The following NTN1 variants were observed in gnomAD, a reference collection of about 807,000 sequenced individuals.
The protein encoded by NTN1 is netrin 1.
A neutral mutation model predicts 54.2 loss-of-function variants in NTN1; 11 were observed. The observed-to-expected ratio is 0.20, with a 90% confidence interval of 0.13 to 0.34. NTN1 has a LOEUF of 0.34. Among genes scored for constraint, NTN1 ranks in the 10% least tolerant of loss-of-function variants. NTN1 has a pLI of 1.00. For synonymous variants in NTN1, 371 were observed against 382.0 expected, an observed-to-expected ratio of 0.97 and a Z score of 0.33; for missense variants, 740 against 893.1, an observed-to-expected ratio of 0.83 and a Z score of 2.18.
At chr17:9,236,124 TGG>T (rs61364982) in intron 6 of NTN1, among the ~76,000 whole-genome samples, 3 of 90,844 alleles carry the variant, frequency 3.3e-5, no homozygotes, top group African/African-American at 6.8e-5. Flanking sequence ...CATAAGAATT[TGG>T]GGGGGGGGGT....
the NTN1 span, among the ~76,000 whole-genome samples, chr17:9,005,261 A>T: frequency 6.6e-6 from 1 of 152,196 alleles, no homozygotes; most frequent in Non-Finnish European, 1.5e-5. Flanking sequence ...AGTTGGAAAC[A>T]TCCTTCCACA....
chr17:9,029,456 C>G (rs2091882051), intron 2 of NTN1, among the ~76,000 whole-genome samples: 1 of 152,080 alleles, frequency 6.6e-6, no homozygotes, highest in African/African-American at 2.4e-5. Flanking sequence ...GAAGACTGAT[C>G]ACATAAAAGC....
At chr17:9,095,163 T>C (rs565330925) in intron 2 of NTN1, among the ~76,000 whole-genome samples, 1 of 152,330 alleles carries the variant, frequency 6.6e-6, no homozygotes, top group Admixed American at 6.5e-5. Context: ...TTGTTACTTA[T>C]TTGTGAGCAT....
At chr17:9,202,983 G>A (rs1202230349) in intron 5 of NTN1, among the ~76,000 whole-genome samples, 6 of 151,902 alleles carry the variant, frequency 3.9e-5, no homozygotes, top group East Asian at 1.9e-4. Context: ...GTGCAGTGGC[G>A]CGATCTCCGC....
Position 9,145,482 on chromosome 17 carries a change from G to C in NTN1, c.1019-17331G>C, listed in dbSNP as rs371773482. On this transcript the variant is annotated intron_variant, in intron 2 of 6. Coordinates refer to ENST00000173229, the MANE Select transcript of NTN1 (RefSeq NM_004822.3). Reference sequence around the variant, plus strand: ...ACCCCCTACCACCCCATTTGCAGCTGGGGGAGAAGAAAGGGCCAGGCTTCT... The same window carrying C: ...ACCCCCTACCACCCCATTTGCAGCTCGGGGAGAAGAAAGGGCCAGGCTTCT... Among the ~76,000 whole-genome samples the C allele has an allele frequency of 2.6e-4, 39 of 152,326 alleles. No homozygotes were observed. In the South Asian group the frequency reaches 6.6e-3, roughly 26 times the overall value.
chr17:9,122,443 G>T (rs1464806335), intron 2 of NTN1, among the ~76,000 whole-genome samples: 7 of 152,096 alleles, frequency 4.6e-5, no homozygotes, highest in Non-Finnish European at 8.8e-5. Context: ...TTTGGGATTG[G>T]GGCAATGTCT....
chr17:9,159,420 A>G (rs2092351490), intron 2 of NTN1, among the ~76,000 whole-genome samples: 1 of 152,200 alleles, frequency 6.6e-6, no homozygotes, highest in African/African-American at 2.4e-5. Context: ...CACGTGGTGA[A>G]ATAGGAGCTC....
chr17:9,239,518 T>C lies in NTN1; in HGVS notation c.1487-122T>C. 1 of 919,950 alleles carries C rather than the reference T, an allele frequency of 1.1e-6. No individual in the cohort carries two copies. Among genetic ancestry groups the C allele is most frequent in the East Asian group, 2.6e-5 (1 of 38,624 alleles). The allele number at this position is 919,950 out of a possible 1,614,324, so 57.0% of individuals were successfully genotyped here. A position where few individuals can be genotyped will look rare whatever the true frequency, so the allele number is the denominator to read the frequency against. The stretch of plus-strand genomic sequence containing the variant: ...TTGCCACCACCCACGCGCTCCTGTA[T>C]GGGCCACTCTGTGCAGTCACTTCCT... On this transcript the variant is annotated intron_variant, in intron 6 of 6. Coordinates refer to ENST00000173229, the MANE Select transcript of NTN1 (RefSeq NM_004822.3). The surrounding 1 kb of genome is among the most constrained non-coding windows in gnomAD (Gnocchi z 5.2).
intron 2 of NTN1, among the ~76,000 whole-genome samples, chr17:9,148,559 G>A (rs942935872): frequency 6.6e-6 from 1 of 152,172 alleles, no homozygotes; most frequent in Non-Finnish European, 1.5e-5. Context: ...TACTAAAAAT[G>A]ATTTGTGCCA....
At chr17:9,047,072 A>G (rs2091943528) in intron 2 of NTN1, among the ~76,000 whole-genome samples, 1 of 152,236 alleles carries the variant, frequency 6.6e-6, no homozygotes, top group African/African-American at 2.4e-5. Flanking sequence ...ATTTTAAAAT[A>G]CTTTATTGCT....
intron 2 of NTN1, among the ~76,000 whole-genome samples, chr17:9,077,267 T>C (rs2092053870): frequency 6.6e-6 from 1 of 152,144 alleles, no homozygotes; most frequent in Admixed American, 6.6e-5. Context: ...ATGTAGATTT[T>C]GGCCAGGAAG....
chr17:9,089,815 C>G (rs1356539862), intron 2 of NTN1, among the ~76,000 whole-genome samples: 1 of 152,158 alleles, frequency 6.6e-6, no homozygotes, highest in Non-Finnish European at 1.5e-5. Context: ...TTTCATCTCT[C>G]TTTTACAACC....
intron 2 of NTN1, among the ~76,000 whole-genome samples, chr17:9,099,489 A>G (rs1172062900): frequency 2.0e-5 from 3 of 152,056 alleles, no homozygotes; most frequent in African/African-American, 7.2e-5. Context: ...AACTTCAGCT[A>G]TTTCCAGTTT....
At chr17:9,092,916 G>A (rs568790177) in intron 2 of NTN1, among the ~76,000 whole-genome samples, 6 of 152,184 alleles carry the variant, frequency 3.9e-5, no homozygotes, top group South Asian at 2.1e-4. Context: ...CCACCACCAC[G>A]CCCGGCTAAT....
chr17:9,031,382 A>G (rs551206868), intron 2 of NTN1, among the ~76,000 whole-genome samples: 21 of 152,204 alleles, frequency 1.4e-4, no homozygotes, highest in Non-Finnish European at 3.1e-4. Flanking sequence ...ATGTACCACC[A>G]CTCCCGCATT....
At chr17:9,088,249 C>T (rs1005576463) in intron 2 of NTN1, among the ~76,000 whole-genome samples, 2 of 152,222 alleles carry the variant, frequency 1.3e-5, no homozygotes, top group African/African-American at 4.8e-5. Flanking sequence ...TGCAAGTTGG[C>T]TTCAAGGGTC....
At position 9,100,167 on chromosome 17, in the gene NTN1, A is replaced by G. The variant is rs539045672; in HGVS notation, c.1019-62646A>G. 4.3e-4 allele frequency among the ~76,000 whole-genome samples: 50 copies of G among 116,692 alleles called. 1 individual carries two copies. Among genetic ancestry groups the G allele is most frequent in the Admixed American group, 3.7e-3 (40 of 10,874 alleles). The allele number at this position is 116,692 out of a possible 152,430, so 76.6% of individuals were successfully genotyped here. On this transcript the variant is annotated intron_variant, in intron 2 of 6. Coordinates refer to ENST00000173229, the MANE Select transcript of NTN1 (RefSeq NM_004822.3). The stretch of plus-strand genomic sequence containing the variant: ...AAACATCTTGCTTGATGTCTTGTAT[A>G]TGCTATGTGTATATGTGTGTATATA...
At chr17:9,115,210 T>C (rs2092206972) in intron 2 of NTN1, among the ~76,000 whole-genome samples, 1 of 152,204 alleles carries the variant, frequency 6.6e-6, no homozygotes, top group Non-Finnish European at 1.5e-5. Context: ...GCTCATTCAT[T>C]TGGGTGGGCC....
intron 5 of NTN1, among the ~76,000 whole-genome samples, chr17:9,195,192 A>ACCGCCCCCCCCCCCCCCCCCC (rs3031881): frequency 4.5e-4 from 64 of 142,332 alleles, no homozygotes; most frequent in Admixed American, 9.3e-4. Flanking sequence ...GGCGAGCTCT[A>ACCGCCCCCCCCCCCCCCCCCC]CCACCCCTCC....
Sources: gnomAD v4.1 joint callset for allele counts (sites outside exome capture counted in the v4.1 genomes callset) on GRCh38, gnomAD v4.1.1 for gene constraint, Gnocchi (gnomAD v3.1) non-coding constraint, MANE v1.5 for transcripts, NCBI Gene and HGNC (gene_info 2026-07-23, HGNC 2026-07-21) for gene names.